Variants in ARHGAP20 observed in about 807,000 individuals in gnomAD.
ARHGAP20 encodes Rho GTPase activating protein 20.
In ARHGAP20, 34 loss-of-function variants were observed where a neutral mutation model predicts 73.7. The observed-to-expected ratio is 0.46, with a 90% CI of 0.35 to 0.61. ARHGAP20 has a LOEUF of 0.61. Ranked by LOEUF, ARHGAP20 falls within the 20% of genes least tolerant of loss-of-function variation. The pLI is 0.00. For missense variants in ARHGAP20, 1,314 were observed against 1,420.9 expected, an observed-to-expected ratio of 0.92 and a Z score of 1.21; for synonymous variants, 523 against 518.2, an observed-to-expected ratio of 1.01 and a Z score of -0.13.
chr11:110,615,584 G>T lies in ARHGAP20; in HGVS notation c.514C>A (p.Gln172Lys). 1.9e-6 allele frequency: 3 copies of T among 1,612,180 alleles called. No individual in the cohort carries two copies. Among genetic ancestry groups the T allele is most frequent in the Non-Finnish European group, 2.5e-6 (3 of 1,179,262 alleles). Residue 172 changes from glutamine (Q) to lysine (K), a missense_variant, in exon 5 of 15, where the codon CAA becomes AAA. Transcript: ENST00000683387. Reference protein sequence around the residue: ...NFVATFSSPEQKDKWLSLLQR... With the variant: ...NFVATFSSPEKKDKWLSLLQR... ...AGGAGAGAGAGCCATTTGTCCTTTT[G>T]TTCTGGAGAACTGCAATCAAAGAAA...
intron 11 of ARHGAP20, chr11:110,589,371 C>G (rs1254468610): frequency 1.0e-6 from 1 of 981,806 alleles, no homozygotes; most frequent in Non-Finnish European, 1.2e-6. Flanking sequence ...GCTTATTTAT[C>G]CAGAAACATC....
chr11:110,663,639 A>G (rs1408153385), intron 2 of ARHGAP20, among the ~76,000 whole-genome samples: 3 of 152,100 alleles, frequency 2.0e-5, no homozygotes, highest in African/African-American at 7.2e-5. Flanking sequence ...CTCCACGCCC[A>G]AACAGCTTAA....
chr11:110,700,954 G>C (rs960811372), intron 1 of ARHGAP20, among the ~76,000 whole-genome samples: 6 of 151,272 alleles, frequency 4.0e-5, no homozygotes, highest in South Asian at 4.2e-4. Flanking sequence ...ATTCCATGGT[G>C]TATATGTGCC....
Position 110,580,598 on chromosome 11 carries a change from G to C in ARHGAP20, c.2348C>G (p.Ser783Cys), listed in dbSNP as rs950114368. 8.6e-5 allele frequency: 139 copies of C among 1,614,226 alleles called. No individual in the cohort carries two copies. The highest frequency in any genetic ancestry group is 1.2e-4 in the Non-Finnish European group (137 of 1,180,044). The change falls in exon 15 of 15, where the codon TCT (serine) becomes TGT (cysteine). Residue 783 changes from serine (S) to cysteine (C), a missense_variant. By Grantham distance (112) the Ser-to-Cys change is moderately radical. Around this residue, in one of 3 missense-constraint regions of ARHGAP20, gnomAD observed 641 missense variants for 636.9 expected, o/e 1.01. Coordinates refer to ENST00000683387, the MANE Select transcript of ARHGAP20 (RefSeq NM_001384657.1). ...TTTCACGTGATTTCCTTCACTACCA[G>C]ACAAGCTTTTCTTCTTAGTGTTTTG... is the stretch of plus-strand genomic sequence containing the variant. ...TTQNTKKKSL[S>C]GSEGNHVKLF...
chr11:110,609,758 T>C (rs1023347016), intron 7 of ARHGAP20, among the ~76,000 whole-genome samples: 4 of 152,264 alleles, frequency 2.6e-5, no homozygotes, highest in Non-Finnish European at 5.9e-5. Context: ...CTGTTGGCAA[T>C]ATTTCATATC....
In ARHGAP20 at chr11:110,580,868, G is replaced by A. The variant is rs1413388018; in HGVS notation, c.2078C>T (p.Ala693Val). The change falls in exon 15 of 15, where the codon GCT (alanine) becomes GTT (valine). Residue 693 changes from alanine to valine, a missense_variant. This residue lies in a region of ARHGAP20 where 641 missense variants were observed against 636.9 expected (regional missense o/e 1.01). Transcript: ENST00000683387. ...PSYLSTAAAN[A>V]AKSLRRHRRC... is the part of the protein sequence containing the mutation. ...CCGGTGTCGCCTCAGGCTTTTTGCA[G>A]CATTTGCTGCAGCTGTGGACAGGTA... The A allele has an allele frequency of 1.2e-6, 2 of 1,612,396 alleles. No homozygotes were observed. The highest frequency in any genetic ancestry group is 1.7e-6 in the Non-Finnish European group (2 of 1,178,750).
At position 110,701,898 on chromosome 11, in the gene ARHGAP20, T is replaced by C. The variant is rs564297258; in HGVS notation, c.105+10229A>G. Among the ~76,000 whole-genome samples the C allele has an allele frequency of 3.5e-3, 528 of 152,218 alleles. 5 individuals carry two copies. The highest frequency in any genetic ancestry group is 0.012 in the African/African-American group (490 of 41,526). On this transcript the variant is annotated intron_variant, in intron 1 of 14. Coordinates refer to ENST00000683387, the MANE Select transcript of ARHGAP20 (RefSeq NM_001384657.1). ...GTCAAAGATCAGATAGTTGTAGATA[T>C]GCGGCGTTATTTCTGAGTGCTCTGT...
intron 8 of ARHGAP20, 119 bp from the exon 9 acceptor site, chr11:110,606,868 T>C (rs1017943572): frequency 2.3e-6 from 2 of 863,644 alleles, no homozygotes; most frequent in African/African-American, 3.5e-5. Context: ...AGAATCCCTT[T>C]GTTTGACAGA....
intron 3 of ARHGAP20, 98 bp downstream of exon 3, chr11:110,630,530 G>C: frequency 7.9e-7 from 1 of 1,267,776 alleles, no homozygotes; most frequent in Non-Finnish European, 1.1e-6. Flanking sequence ...TAGTAACAAA[G>C]GCAAGACATT....
chr11:110,590,121 A>C (rs1342766422), intron 11 of ARHGAP20, among the ~76,000 whole-genome samples: 1 of 114,216 alleles, frequency 8.8e-6, no homozygotes. Context: ...ACCCCGCCTC[A>C]AAAAAAAAAA....
At chr11:110,619,639 C>G (rs562822613) in intron 4 of ARHGAP20, among the ~76,000 whole-genome samples, 1 of 145,972 alleles carries the variant, frequency 6.9e-6, no homozygotes, top group Admixed American at 6.8e-5. Context: ...AGAGTATATG[C>G]AGTGATAGAG....
intron 12 of ARHGAP20, 81 bp from the exon 13 acceptor site, chr11:110,583,818 G>C: frequency 8.5e-7 from 1 of 1,174,762 alleles, no homozygotes; most frequent in Non-Finnish European, 1.2e-6. Flanking sequence ...CTTTGAATGG[G>C]GAAGAGGGAA....
intron 9 of ARHGAP20, among the ~76,000 whole-genome samples, chr11:110,605,127 CAG>C (rs1466345878): frequency 6.6e-6 from 1 of 152,090 alleles, no homozygotes; most frequent in Non-Finnish European, 1.5e-5. Context: ...TTCTGCTAGA[CAG>C]GGATGATCAC....
chr11:110,664,723 G>A (rs1165452594), intron 2 of ARHGAP20, among the ~76,000 whole-genome samples: 10 of 105,248 alleles, frequency 9.5e-5, no homozygotes, highest in South Asian at 6.7e-4. Context: ...GTGAGACTCC[G>A]TCTCAAAAAA....
rs752880846 is a variant in ARHGAP20 at position 110,630,796 on chromosome 11, T to TAC, written c.189-5_189-4insGT. Reference sequence around the variant, plus strand: ...AACACTAGCAGAAGGACTGTCCCTGTAACAGATCAAATGCCACAGATCAGT... The same window carrying TAC: ...AACACTAGCAGAAGGACTGTCCCTGTACAACAGATCAAATGCCACAGATCAGT... On this transcript the variant is annotated splice_region_variant and splice_polypyrimidine_tract_variant and intron_variant, in intron 2 of 14. Coordinates refer to ENST00000683387, the MANE Select transcript of ARHGAP20 (RefSeq NM_001384657.1). 1 of 1,611,662 alleles carries TAC rather than the reference T, an allele frequency of 6.2e-7. No homozygotes were observed. The highest frequency in any genetic ancestry group is 8.5e-7 in the Non-Finnish European group (1 of 1,178,734).
chr11:110,643,134 C>T (rs1009712202), intron 2 of ARHGAP20, among the ~76,000 whole-genome samples: 1 of 152,036 alleles, frequency 6.6e-6, no homozygotes, highest in African/African-American at 2.4e-5. Flanking sequence ...TCACCTTTGT[C>T]ATTTCTGACT....
At chr11:110,601,556 T>C (rs1322147643) in intron 9 of ARHGAP20, among the ~76,000 whole-genome samples, 2 of 152,246 alleles carry the variant, frequency 1.3e-5, no homozygotes, top group African/African-American at 2.4e-5. Context: ...GGGCACAAAC[T>C]ATGCTCCCTG....
intron 2 of ARHGAP20, among the ~76,000 whole-genome samples, chr11:110,651,626 A>C (rs117861695): frequency 0.021 from 3,169 of 152,204 alleles, 46 homozygotes; most frequent in Non-Finnish European, 0.03. Context: ...GAAAATCTAG[A>C]AGAAATGAGT....
chr11:110,651,376 G>T (rs1165685256), intron 2 of ARHGAP20, among the ~76,000 whole-genome samples: 1 of 151,948 alleles, frequency 6.6e-6, no homozygotes, highest in Admixed American at 6.6e-5. Flanking sequence ...ACTAAGATCA[G>T]AGTGGAACTG....
Sources: gnomAD v4.1 joint callset for allele counts (sites outside exome capture counted in the v4.1 genomes callset) on GRCh38, gnomAD v4.1.1 for gene constraint, gnomAD v4.1.1 regional missense constraint, MANE v1.5 for transcripts, NCBI Gene and HGNC (gene_info 2026-07-23, HGNC 2026-07-21) for gene names.